Variants in CPAMD8 observed in about 807,000 individuals in gnomAD.
CPAMD8 encodes the protein C3 and PZP-like alpha-2-macroglobulin domain-containing protein 8.
Under a neutral mutation model 224.7 loss-of-function variants are expected in CPAMD8, and 146 were observed. The observed-to-expected ratio is 0.65, with a 90% CI of 0.57 to 0.75. CPAMD8 has a LOEUF of 0.75. CPAMD8 is among the 30% of genes least tolerant of loss of function. The probability of loss-of-function intolerance (pLI) is 0.00; values close to 1 mark genes in which losing one functional copy is unlikely to be tolerated. For synonymous variants in CPAMD8, 966 were observed against 1,044.6 expected (o/e 0.92, Z 1.45); for missense variants, 2,301 against 2,537.5 (o/e 0.91, Z 2.00).
chr19:17,009,520 A>C, intron 5 of CPAMD8, 200 bp from the exon 6 acceptor site: 1 of 826,356 alleles, frequency 1.2e-6, no homozygotes, highest in Non-Finnish European at 1.8e-6. Flanking sequence ...CATGCCTGTA[A>C]TCCCAGCACT....
rs569876970 is a variant in CPAMD8 at position 16,922,779 on chromosome 19, A to G, written c.3548-793T>C. Among the ~76,000 whole-genome samples the G allele has an allele frequency of 1.3e-4, 19 of 151,708 alleles. No homozygotes were observed. In the South Asian group the frequency reaches 3.7e-3, roughly 30 times the overall value. On this transcript the variant is annotated intron_variant, in intron 26 of 41. Coordinates refer to ENST00000443236, the MANE Select transcript of CPAMD8 (RefSeq NM_015692.5). ...CATCTGGGGTCCTTGAAACTACCCTATACCACATTGGGGGTCCCTGAAACT... is the reference window on the plus strand; with the variant it reads ...CATCTGGGGTCCTTGAAACTACCCTGTACCACATTGGGGGTCCCTGAAACT...
At chr19:17,016,028 C>T (rs185357712) in intron 3 of CPAMD8, among the ~76,000 whole-genome samples, 2 of 152,288 alleles carry the variant, frequency 1.3e-5, no homozygotes, top group Admixed American at 6.5e-5. Flanking sequence ...ACTGCAACCT[C>T]GATCTCCTGG....
At position 16,947,206 on chromosome 19, in the gene CPAMD8, G is replaced by A. The variant is rs747824753; in HGVS notation, c.2530C>T (p.Pro844Ser). 2.5e-6 allele frequency: 4 copies of A among 1,613,028 alleles called. No homozygotes were observed. The African/African-American group carries it at 4.0e-5, about 16-fold the overall frequency. ...CAEVYMKLSV[P>S]KGIQFVGHPG... ...TGCCCAACAAACTGGATGCCCTTGG[G>A]AACCGAGAGCTTCATGTACACCTGC... The change falls in exon 21 of 42, where the codon CCC (proline) becomes TCC (serine). Residue 844 changes from proline to serine, a missense_variant. Coordinates refer to ENST00000443236, the MANE Select transcript of CPAMD8 (RefSeq NM_015692.5).
intron 7 of CPAMD8, among the ~76,000 whole-genome samples, chr19:17,008,162 CTG>C (rs1168706479): frequency 6.6e-6 from 1 of 152,194 alleles, no homozygotes; most frequent in African/African-American, 2.4e-5. Flanking sequence ...GAGAGAGACT[CTG>C]TCTCAAAAAA....
chr19:16,958,962 G>A (rs1341355992), intron 18 of CPAMD8, among the ~76,000 whole-genome samples: 2 of 151,614 alleles, frequency 1.3e-5, no homozygotes, highest in Admixed American at 6.6e-5. Flanking sequence ...ACTACACCCA[G>A]CTAATTTTGT....
At chr19:17,010,310 T>C (rs151134156) in intron 5 of CPAMD8, among the ~76,000 whole-genome samples, 8 of 152,218 alleles carry the variant, frequency 5.3e-5, no homozygotes, top group Middle Eastern at 3.4e-3. Flanking sequence ...TCACAGCTCA[T>C]TGCAGCCTCG....
At position 16,901,197 on chromosome 19, in the gene CPAMD8, G is replaced by A. The variant is rs752159149; in HGVS notation, c.4773+13C>T. On this transcript the variant is annotated intron_variant, in intron 36 of 41. Coordinates refer to ENST00000443236, the MANE Select transcript of CPAMD8 (RefSeq NM_015692.5). ...AGATCCCTGCCCACCGCTGCTCACCGGCGCTGCCTCACCTGCTCCAGGCTC... is the reference window on the plus strand; with the variant it reads ...AGATCCCTGCCCACCGCTGCTCACCAGCGCTGCCTCACCTGCTCCAGGCTC... The A allele has an allele frequency of 1.6e-5, 26 of 1,591,238 alleles. No individual in the cohort carries two copies. The highest frequency in any genetic ancestry group is 9.1e-5 in the South Asian group (8 of 87,444).
At chr19:16,963,104 A>T (rs1270105299) in intron 18 of CPAMD8, among the ~76,000 whole-genome samples, 1 of 152,214 alleles carries the variant, frequency 6.6e-6, no homozygotes, top group Non-Finnish European at 1.5e-5. Context: ...GATTGTAAAG[A>T]CCGTTGATGC....
At chr19:16,915,494 G>T (rs2052915955) in intron 27 of CPAMD8, among the ~76,000 whole-genome samples, 1 of 152,140 alleles carries the variant, frequency 6.6e-6, no homozygotes. Flanking sequence ...GTTCAGAATT[G>T]CTCTCCAGCC....
At chr19:17,023,203 A>C (rs1342573396) in intron 1 of CPAMD8, among the ~76,000 whole-genome samples, 2 of 152,136 alleles carry the variant, frequency 1.3e-5, no homozygotes, top group African/African-American at 4.8e-5. Context: ...TCTGGAAGGG[A>C]GGCATTACCC....
chr19:16,897,701 G>A lies in CPAMD8; in HGVS notation c.5055C>T (p.Ala1685=). The A allele has an allele frequency of 1.3e-6, 2 of 1,537,170 alleles. No individual in the cohort carries two copies. The highest frequency in any genetic ancestry group is 1.2e-5 in the South Asian group (1 of 82,676). ...PACNEVERAP[A]RGPGWFPGES... ...GCTCCGCGCACTCACCCGGGCCCCG[G>A]GCAGGGGCGCGCTCCACTTCGTTGC... Residue 1685 remains alanine, a synonymous_variant, in exon 39 of 42, where the codon GCC becomes GCT. Coordinates refer to ENST00000443236, the MANE Select transcript of CPAMD8 (RefSeq NM_015692.5).
intron 41 of CPAMD8, chr19:16,895,941 C>T (rs1188339133): frequency 6.1e-6 from 4 of 660,882 alleles, no homozygotes; most frequent in Non-Finnish European, 1.1e-5. Context: ...GCGCGTGCGC[C>T]CGCGCACAGC....
At chr19:16,989,837 C>T (rs1010177361) in intron 12 of CPAMD8, 66 bp from the exon 13 acceptor site, 2 of 1,486,806 alleles carry the variant, frequency 1.3e-6, no homozygotes, top group East Asian at 2.3e-5. Context: ...CTTGGGGATG[C>T]TTCTGCTTGC....
chr19:16,901,735 C>T (rs1351546871), intron 35 of CPAMD8, among the ~76,000 whole-genome samples: 1 of 151,950 alleles, frequency 6.6e-6, no homozygotes, highest in African/African-American at 2.4e-5. Context: ...CATGGTGGGG[C>T]GGGGAGGGAG....
chr19:16,990,646 C>T (rs544381473), intron 12 of CPAMD8, among the ~76,000 whole-genome samples: 12 of 151,878 alleles, frequency 7.9e-5, no homozygotes, highest in African/African-American at 2.2e-4. Context: ...GGGCAGATCA[C>T]GAGGTCAGGA....
At chr19:16,896,081 AGTCGGGGCAGGTC>A (rs1434420114) in intron 41 of CPAMD8, 82 bp downstream of exon 41, 3 of 1,179,350 alleles carry the variant, frequency 2.5e-6, no homozygotes, top group African/African-American at 2.2e-5. Flanking sequence ...GGGGCGGAGG[AGTCGGGGCAGGTC>A]GTCGGGGGAG....
chr19:17,012,598 C>T (rs984713583), intron 3 of CPAMD8, among the ~76,000 whole-genome samples: 2 of 152,226 alleles, frequency 1.3e-5, no homozygotes, highest in Admixed American at 6.5e-5. Flanking sequence ...ATCCTCCCAC[C>T]TCAGCCTCAG....
chr19:16,992,598 C>A (rs1467555686), intron 12 of CPAMD8, among the ~76,000 whole-genome samples: 1 of 151,942 alleles, frequency 6.6e-6, no homozygotes, highest in Admixed American at 6.6e-5. Context: ...ATTACAGGCA[C>A]CTGCCACAAC....
At chr19:16,895,353 C>A (rs1165523709) in intron 41 of CPAMD8, 1 of 153,734 alleles carries the variant, frequency 6.5e-6, no homozygotes, top group Non-Finnish European at 1.4e-5. Flanking sequence ...GCGGAGATTG[C>A]AGTGAGCCCA....
Sources: gnomAD v4.1 joint callset for allele counts (sites outside exome capture counted in the v4.1 genomes callset) on GRCh38, gnomAD v4.1.1 for gene constraint, MANE v1.5 for transcripts, NCBI Gene and HGNC (gene_info 2026-07-23, HGNC 2026-07-21) for gene names.